SEC31A: variants seen among roughly 807,000 people sequenced by gnomAD.
SEC31A encodes the protein SEC31 homolog A, COPII component.
SEC31A carries 70 observed loss-of-function variants against 151.0 expected under a neutral mutation model. The observed-to-expected ratio is 0.46, with a 90% CI of 0.38 to 0.57. The LOEUF (loss-of-function observed/expected upper bound fraction) is 0.57, where lower values mean the gene tolerates loss of function less well. Ranked by LOEUF, SEC31A falls within the 20% of genes least tolerant of loss-of-function variation. SEC31A has a pLI of 0.00. For missense variants in SEC31A, 1,330 were observed against 1,471.2 expected, an observed-to-expected ratio of 0.90 and a Z score of 1.57; for synonymous variants, 475 against 505.9, an observed-to-expected ratio of 0.94 and a Z score of 0.82.
chr4:82,823,626 A>T (rs1723899702), intron 25 of SEC31A, among the ~76,000 whole-genome samples: 1 of 152,206 alleles, frequency 6.6e-6, no homozygotes, highest in African/African-American at 2.4e-5. Context: ...TTCACTTAAG[A>T]CTGGCTTTGT....
intron 2 of SEC31A, among the ~76,000 whole-genome samples, chr4:82,881,186 C>T (rs908754187): frequency 6.6e-6 from 1 of 152,064 alleles, no homozygotes; most frequent in Non-Finnish European, 1.5e-5. Flanking sequence ...GTGATGGGGG[C>T]TGGGCACGGT....
intron 23 of SEC31A, 134 bp downstream of exon 23, chr4:82,828,866 G>T (rs1012533922): frequency 4.9e-6 from 3 of 609,730 alleles, no homozygotes; most frequent in Non-Finnish European, 8.8e-6. Context: ...GAAGGTGCAT[G>T]TTGAAATACA....
intron 10 of SEC31A, among the ~76,000 whole-genome samples, chr4:82,866,110 G>GGAGGGAGGGAAAGAGAGACA (rs1049925612): frequency 3.3e-5 from 5 of 151,738 alleles, no homozygotes; most frequent in South Asian, 2.1e-4. Context: ...AAGAAGGGAG[G>GGAGGGAGGGAAAGAGAGACA]GAGGGAGGGA....
At chr4:82,847,946 T>G (rs1288617457) in intron 20 of SEC31A, among the ~76,000 whole-genome samples, 1 of 152,180 alleles carries the variant, frequency 6.6e-6, no homozygotes, top group African/African-American at 2.4e-5. Flanking sequence ...CAAAAGGGCA[T>G]TAATTTTTTT....
intron 23 of SEC31A, 51 bp downstream of exon 23, chr4:82,828,949 G>A (rs1725285679): frequency 1.1e-5 from 16 of 1,423,184 alleles, no homozygotes; most frequent in Non-Finnish European, 1.6e-5. Flanking sequence ...AAGTGGCTAC[G>A]TGGTTAACAT....
intron 25 of SEC31A, among the ~76,000 whole-genome samples, chr4:82,822,095 A>T (rs1560577082): frequency 6.6e-6 from 1 of 152,360 alleles, no homozygotes; most frequent in African/African-American, 2.4e-5. Flanking sequence ...TAACAGTTTT[A>T]AAATTACATG....
intron 8 of SEC31A, among the ~76,000 whole-genome samples, chr4:82,868,346 A>C (rs1735849198): frequency 6.6e-6 from 1 of 151,888 alleles, no homozygotes; most frequent in South Asian, 2.1e-4. Context: ...AAAAAAATAC[A>C]AAATATTGGC....
At chr4:82,897,979 G>C (rs1340151756) in intron 3 of SEC31A, 1 of 152,110 alleles carries the variant, frequency 6.6e-6, no homozygotes, top group Non-Finnish European at 1.5e-5. Context: ...AAAATAGAAA[G>C]ATATACTACC....
In SEC31A at chr4:82,891,111, G is replaced by A. The variant is rs761384900; in HGVS notation, c.-28C>T. The A allele has an allele frequency of 1.6e-5, 24 of 1,535,960 alleles. 1 individual carries two copies. The South Asian group carries it at 2.6e-4, about 17-fold the overall frequency. On this transcript the variant is annotated 5_prime_UTR_variant, in exon 1 of 27. Transcript: ENST00000395310. ...ACCTGGCGAGGACCTTCGGCAGCCG[G>A]ATCCTGCGTTAGTGCAGCGCTCGTC...
In SEC31A at chr4:82,880,886, G is replaced by A. The variant is rs748229120; in HGVS notation, c.116C>T (p.Thr39Met). Residue 39 changes from threonine (T) to methionine (M), a missense_variant, in exon 3 of 27, where the codon ACG becomes ATG. Physicochemically the swap from Thr to Met is moderately conservative, Grantham distance 81. Coordinates refer to ENST00000395310, the MANE Select transcript of SEC31A (RefSeq NM_001077207.4). Reference protein sequence around the residue: ...SAQQLDATFSTNASLEIFELD... With the variant: ...SAQQLDATFSMNASLEIFELD... Reference sequence around the variant, plus strand: ...TTCAAATATCTCAAGGGAAGCATTCGTACTAAATGTTGCATCCAATTGCTG... The same window carrying A: ...TTCAAATATCTCAAGGGAAGCATTCATACTAAATGTTGCATCCAATTGCTG... The A allele has an allele frequency of 1.6e-5, 25 of 1,610,392 alleles. No homozygotes were observed. In the African/African-American group the frequency reaches 2.3e-4, roughly 15 times the overall value.
At chr4:82,874,974 T>C (rs1006318622) in intron 5 of SEC31A, among the ~76,000 whole-genome samples, 6 of 152,220 alleles carry the variant, frequency 3.9e-5, no homozygotes, top group Non-Finnish European at 8.8e-5. Flanking sequence ...TCTTGTTTCA[T>C]AATATCTCAT....
chr4:82,836,790 T>C (rs1410191757), intron 22 of SEC31A, among the ~76,000 whole-genome samples: 2 of 152,126 alleles, frequency 1.3e-5, no homozygotes, highest in East Asian at 1.9e-4. Flanking sequence ...GGCTAATGGG[T>C]ACAAAAATAT....
Position 82,857,734 on chromosome 4 carries a change from A to G in SEC31A, c.1657T>C (p.Phe553Leu), listed in dbSNP as rs745597079. 1 of 1,603,302 alleles carries G rather than the reference A, an allele frequency of 6.2e-7. No individual in the cohort carries two copies. Among genetic ancestry groups the G allele is most frequent in the Non-Finnish European group, 8.5e-7 (1 of 1,170,622 alleles). The change falls in exon 15 of 27, where the codon TTT (phenylalanine) becomes CTT (leucine). Residue 553 changes from phenylalanine to leucine, a missense_variant. Coordinates refer to ENST00000395310, the MANE Select transcript of SEC31A (RefSeq NM_001077207.4). ...AATGTTCCTCCAGATGAGGGTAGAA[A>G]TTCAGATTCTTCTTTTTCCTCTTTA... is the stretch of plus-strand genomic sequence containing the variant. ...HIKEEKEESE[F>L]LPSSGGTFNI...
At chr4:82,885,089 G>A (rs753173325) in intron 1 of SEC31A, among the ~76,000 whole-genome samples, 6 of 151,938 alleles carry the variant, frequency 3.9e-5, no homozygotes, top group Non-Finnish European at 8.8e-5. Context: ...AATGACTTTT[G>A]GTCTGAATTC....
At chr4:82,848,313 CAA>C (rs10655108) in intron 20 of SEC31A, among the ~76,000 whole-genome samples, 1 of 142,398 alleles carries the variant, frequency 7.0e-6, no homozygotes, top group African/African-American at 2.6e-5. Context: ...CTAAATTGTC[CAA>C]AAAAAAAAAA....
chr4:82,874,849 T>TA, intron 5 of SEC31A, 98 bp from the exon 6 acceptor site: 1 of 1,405,986 alleles, frequency 7.1e-7, no homozygotes, highest in Non-Finnish European at 9.7e-7. Flanking sequence ...GTGTATTACT[T>TA]AAAAATCTGA....
At chr4:82,866,070 GAAAAGAAA>G (rs1468823637) in intron 10 of SEC31A, among the ~76,000 whole-genome samples, 3 of 130,180 alleles carry the variant, frequency 2.3e-5, no homozygotes, top group East Asian at 2.4e-4. Context: ...CCTGCAAAAA[GAAAAGAAA>G]AAAAGAAGAA....
intron 23 of SEC31A, 40 bp downstream of exon 23, chr4:82,828,960 A>C: frequency 6.5e-7 from 1 of 1,548,360 alleles, no homozygotes; most frequent in Non-Finnish European, 8.9e-7. Flanking sequence ...TGGTTAACAT[A>C]ACATCTGTAG....
chr4:82,881,990 A>G, intron 1 of SEC31A, 50 bp from the exon 2 acceptor site: 1 of 1,291,730 alleles, frequency 7.7e-7, no homozygotes, highest in Non-Finnish European at 1.1e-6. Flanking sequence ...TTGAATGTCT[A>G]ACACAGAACA....
Sources: gnomAD v4.1 joint callset for allele counts (sites outside exome capture counted in the v4.1 genomes callset) on GRCh38, gnomAD v4.1.1 for gene constraint, MANE v1.5 for transcripts, NCBI Gene and HGNC (gene_info 2026-07-23, HGNC 2026-07-21) for gene names.